The following PAM variants were observed in gnomAD, a reference collection of about 807,000 sequenced individuals.
The protein encoded by PAM is peptidyl-glycine alpha-amidating monooxygenase.
In PAM, 72 loss-of-function variants were observed where a neutral mutation model predicts 122.1. The observed-to-expected ratio is 0.59, with a 90% CI of 0.49 to 0.72. The LOEUF (loss-of-function observed/expected upper bound fraction) is 0.72. Among genes scored for constraint, PAM ranks in the 30% least tolerant of loss-of-function variants. The pLI, the probability that PAM is intolerant of heterozygous loss-of-function variation, is 0.00. For missense variants in PAM, 1,106 were observed against 1,183.7 expected (o/e 0.93, Z 0.96); for synonymous variants, 389 against 404.4 (o/e 0.96, Z 0.46).
At chr5:102,930,739 G>A (rs533721407) in intron 7 of PAM, among the ~76,000 whole-genome samples, 16 of 152,282 alleles carry the variant, frequency 1.1e-4, no homozygotes, top group African/African-American at 3.8e-4. Context: ...AAAGCTACTA[G>A]CCTTATGAAG....
intron 3 of PAM, among the ~76,000 whole-genome samples, chr5:102,895,616 T>C (rs1309920530): frequency 6.6e-6 from 1 of 151,722 alleles, no homozygotes; most frequent in African/African-American, 2.4e-5. Context: ...TGTTTTCTGA[T>C]GGTTCATTAT....
intron 1 of PAM, among the ~76,000 whole-genome samples, chr5:102,760,802 A>T (rs1752088992): frequency 6.6e-6 from 1 of 152,234 alleles, no homozygotes; most frequent in South Asian, 2.1e-4. Context: ...CTGTTTGGAT[A>T]ACCTATACAG....
At chr5:103,011,958 C>T (rs1326901420) in intron 21 of PAM, among the ~76,000 whole-genome samples, 1 of 152,162 alleles carries the variant, frequency 6.6e-6, no homozygotes, top group African/African-American at 2.4e-5. Flanking sequence ...GTCATTTTAA[C>T]TGGTGTTAGA....
intron 1 of PAM, among the ~76,000 whole-genome samples, chr5:102,831,363 G>T (rs1254689994): frequency 6.6e-6 from 1 of 151,946 alleles, no homozygotes; most frequent in African/African-American, 2.4e-5. Flanking sequence ...TAGAAAAGAT[G>T]TGTGAAAGAG....
At chr5:102,776,866 TTTC>T (rs1757302745) in intron 1 of PAM, among the ~76,000 whole-genome samples, 1 of 152,134 alleles carries the variant, frequency 6.6e-6, no homozygotes, top group African/African-American at 2.4e-5. Flanking sequence ...ATGTCACACA[TTTC>T]TTATCAGGGT....
At chr5:102,875,076 C>G (rs763903020) in intron 3 of PAM, among the ~76,000 whole-genome samples, 1 of 151,960 alleles carries the variant, frequency 6.6e-6, no homozygotes, top group Non-Finnish European at 1.5e-5. Context: ...TTTATGTGTG[C>G]AGGTGTGTGT....
intron 1 of PAM, among the ~76,000 whole-genome samples, chr5:102,791,803 C>A (rs1373404476): frequency 6.6e-6 from 1 of 152,072 alleles, no homozygotes; most frequent in East Asian, 1.9e-4. Context: ...TTTAGTCTTA[C>A]AATAGATAAA....
At chr5:103,005,296 G>A (rs1778617870) in intron 18 of PAM, 70 bp downstream of exon 18, 1 of 867,594 alleles carries the variant, frequency 1.2e-6, no homozygotes, top group African/African-American at 1.7e-5. Flanking sequence ...CTCTGGAGTT[G>A]TATGGGTTTT....
rs1757256449 is a variant in PAM at position 102,946,967 on chromosome 5, A to T, written c.575+82A>T. 3.5e-6 allele frequency: 3 copies of T among 864,586 alleles called. No homozygotes were observed. In the East Asian group the frequency reaches 7.5e-5, roughly 22 times the overall value. 53.6% of individuals were successfully genotyped at this position (864,586 alleles called of 1,614,324 possible). ...GAGTGGGAAGTTTACTGTATTAATT[A>T]TCTGTGGGTAAAAATTAACCTAAAC... On this transcript the variant is annotated intron_variant, in intron 8 of 25. Transcript: ENST00000438793.
intron 3 of PAM, among the ~76,000 whole-genome samples, chr5:102,899,006 G>T (rs1028436743): frequency 6.6e-6 from 1 of 151,384 alleles, no homozygotes; most frequent in Non-Finnish European, 1.5e-5. Context: ...TTCTAATTGT[G>T]TATGATACTT....
Position 102,959,938 on chromosome 5 carries a change from A to G in PAM, c.969A>G (p.Ala323=), listed in dbSNP as rs778838020. The G allele has an allele frequency of 6.2e-7, 1 of 1,612,116 alleles. No individual in the cohort carries two copies. Among genetic ancestry groups the G allele is most frequent in the Non-Finnish European group, 8.5e-7 (1 of 1,178,338 alleles). The change falls in exon 13 of 26, where the codon GCA becomes GCG. Residue 323 remains alanine (A), a synonymous_variant. Transcript: ENST00000438793. ...YIMYYMEAKH[A]VSFMTCTQNV... ...TGTATTACATGGAAGCCAAGCATGC[A>G]GTTTCTTTCATGACCTGTACCCAGA...
At chr5:103,009,702 C>A in intron 20 of PAM, 49 bp from the exon 21 acceptor site, 2 of 961,018 alleles carry the variant, frequency 2.1e-6, no homozygotes, top group South Asian at 2.6e-5. Context: ...ATTAGAAGTC[C>A]ATTCTTACCC....
At chr5:102,987,531 T>C (rs1393014438) in intron 15 of PAM, 1 of 455,966 alleles carries the variant, frequency 2.2e-6, no homozygotes, top group Non-Finnish European at 4.4e-6. Flanking sequence ...GAAGAGAAGA[T>C]ATGAAATGTT....
At chr5:102,882,554 A>G (rs564633720) in intron 3 of PAM, among the ~76,000 whole-genome samples, 2 of 151,904 alleles carry the variant, frequency 1.3e-5, no homozygotes, top group East Asian at 3.9e-4. Flanking sequence ...GTCCTTAGCC[A>G]CTTTTTGATG....
At chr5:102,843,829 C>T (rs1779285136) in intron 1 of PAM, among the ~76,000 whole-genome samples, 1 of 152,074 alleles carries the variant, frequency 6.6e-6, no homozygotes, top group African/African-American at 2.4e-5. Flanking sequence ...ACCTATCACA[C>T]AGGTTAAAAT....
intron 16 of PAM, 89 bp downstream of exon 16, chr5:102,990,490 C>T: frequency 1.0e-6 from 1 of 957,814 alleles, no homozygotes; most frequent in Non-Finnish European, 1.5e-6. Context: ...GGTGAGAGAA[C>T]TATAAAGGTT....
intron 15 of PAM, among the ~76,000 whole-genome samples, chr5:102,983,042 C>T (rs918169378): frequency 1.4e-4 from 22 of 151,768 alleles, no homozygotes; most frequent in African/African-American, 5.3e-4. Context: ...AACAGAAATC[C>T]TGGAACTGAA....
At chr5:102,800,193 C>A (rs1764327787) in intron 1 of PAM, among the ~76,000 whole-genome samples, 1 of 152,142 alleles carries the variant, frequency 6.6e-6, no homozygotes, top group African/African-American at 2.4e-5. Flanking sequence ...CTTTCTATGC[C>A]TAGAAGCTTC....
intron 20 of PAM, among the ~76,000 whole-genome samples, chr5:103,009,285 G>T (rs1461474536): frequency 2.0e-5 from 3 of 152,000 alleles, no homozygotes; most frequent in Admixed American, 2.0e-4. Context: ...AAATCAGATT[G>T]TTCTATATAG....
Sources: allele counts gnomAD v4.1 joint callset (sites outside exome capture counted in the v4.1 genomes callset), GRCh38; gene constraint gnomAD v4.1.1; transcripts MANE v1.5; gene names NCBI Gene and HGNC (gene_info 2026-07-23, HGNC 2026-07-21).